TOP6BL: variants seen among roughly 807,000 people sequenced by gnomAD.
The protein encoded by TOP6BL is type 2 DNA topoisomerase 6 subunit B-like.
At chr11:66,832,168 G>T in the TOP6BL span, among the ~76,000 whole-genome samples, 1 of 151,070 alleles carries the variant, frequency 6.6e-6, no homozygotes, top group Non-Finnish European at 1.5e-5. Context: ...CGTGATCTCG[G>T]CTCACTGCAA....
At chr11:66,748,320 G>A in the TOP6BL span, 12 of 1,330,680 alleles carry the variant, frequency 9.0e-6, no homozygotes, top group African/African-American at 1.5e-5. Flanking sequence ...TCATAGAGAT[G>A]TATTATTACT....
chr11:66,794,393 G>A, the TOP6BL span, among the ~76,000 whole-genome samples: 1 of 152,106 alleles, frequency 6.6e-6, no homozygotes, highest in African/African-American at 2.4e-5. Context: ...ATAATAGTGA[G>A]TCAGTATAGG....
At chr11:66,759,035 T>A in the TOP6BL span, 2 of 1,553,548 alleles carry the variant, frequency 1.3e-6, no homozygotes, top group Admixed American at 1.8e-5. Context: ...GTATTCTGTT[T>A]CTTACAGTTG....
chr11:66,815,625 A>T, the TOP6BL span: 1 of 158,354 alleles, frequency 6.3e-6, no homozygotes, highest in African/African-American at 2.4e-5. Flanking sequence ...GTTCTATCCG[A>T]TACTGTTGTT....
chr11:66,821,814 A>G, the TOP6BL span: 1 of 1,598,882 alleles, frequency 6.3e-7, no homozygotes. Flanking sequence ...AGAAAAAGAT[A>G]GCAAGCATAT....
chr11:66,744,850 G>A, the TOP6BL span: 1 of 1,316,756 alleles, frequency 7.6e-7, no homozygotes, highest in Non-Finnish European at 9.7e-7. Flanking sequence ...CGGCGGGCGG[G>A]TACCCTTCGA....
At chr11:66,755,409 C>T in the TOP6BL span, among the ~76,000 whole-genome samples, 1 of 152,186 alleles carries the variant, frequency 6.6e-6, no homozygotes. Flanking sequence ...GCATGAGCCA[C>T]TGTGCCTAGC....
chr11:66,842,792 G>A, the TOP6BL span: 1 of 1,473,554 alleles, frequency 6.8e-7, no homozygotes, highest in Non-Finnish European at 9.1e-7. Flanking sequence ...CCTTGGCCAA[G>A]GGTGCTCCTA....
At chr11:66,819,562 A>G in the TOP6BL span, among the ~76,000 whole-genome samples, 3 of 152,154 alleles carry the variant, frequency 2.0e-5, no homozygotes. Flanking sequence ...CTTGAGCCCA[A>G]GAGTTCAAGA....
chr11:66,802,929 G>A, the TOP6BL span, among the ~76,000 whole-genome samples: 1 of 152,124 alleles, frequency 6.6e-6, no homozygotes, highest in African/African-American at 2.4e-5. Context: ...TAGAGACAAA[G>A]GGAAAGGTTC....
the TOP6BL span, among the ~76,000 whole-genome samples, chr11:66,751,519 T>G: frequency 1.4e-5 from 2 of 148,082 alleles, no homozygotes; most frequent in East Asian, 2.0e-4. Flanking sequence ...TTTTTTTTTA[T>G]AGAGATGAGG....
At chr11:66,820,488 G>GT in the TOP6BL span, among the ~76,000 whole-genome samples, 4 of 152,178 alleles carry the variant, frequency 2.6e-5, no homozygotes, top group Non-Finnish European at 2.9e-5. Context: ...TGATGGCATA[G>GT]TTTTTTTGCC....
the TOP6BL span, among the ~76,000 whole-genome samples, chr11:66,794,112 TAAAA>T: frequency 1.8e-5 from 2 of 110,520 alleles, no homozygotes; most frequent in Admixed American, 9.9e-5. Flanking sequence ...ACCCTGTTTC[TAAAA>T]AAAAAAAAAA....
the TOP6BL span, among the ~76,000 whole-genome samples, chr11:66,751,735 G>C: frequency 6.6e-6 from 1 of 151,930 alleles, no homozygotes; most frequent in African/African-American, 2.4e-5. Flanking sequence ...TCTACCATGT[G>C]TCTTTCTTTT....
At chr11:66,793,029 A>G in the TOP6BL span, among the ~76,000 whole-genome samples, 1 of 152,178 alleles carries the variant, frequency 6.6e-6, no homozygotes, top group African/African-American at 2.4e-5. Flanking sequence ...GTTAACATGC[A>G]TGAATAATCC....
At chr11:66,816,091 A>T in the TOP6BL span, 1 of 1,604,906 alleles carries the variant, frequency 6.2e-7, no homozygotes, top group East Asian at 2.2e-5. Flanking sequence ...GGTGGAATCC[A>T]GTGAGGAGGA....
the TOP6BL span, among the ~76,000 whole-genome samples, chr11:66,775,112 CAAAAAAAAA>C: frequency 3.4e-4 from 20 of 57,998 alleles, no homozygotes; most frequent in South Asian, 3.4e-3. Flanking sequence ...GACTCTGTCT[CAAAAAAAAA>C]AAAAAAAAAA....
At chr11:66,760,069 C>G in the TOP6BL span, among the ~76,000 whole-genome samples, 1 of 152,044 alleles carries the variant, frequency 6.6e-6, no homozygotes, top group Non-Finnish European at 1.5e-5. Flanking sequence ...ACAAATTTTA[C>G]AAAATAACTT....
At chr11:66,747,700 C>T in the TOP6BL span, among the ~76,000 whole-genome samples, 5 of 152,076 alleles carry the variant, frequency 3.3e-5, no homozygotes, top group Admixed American at 1.3e-4. Context: ...CTCACTTCAG[C>T]CTCAATCTTA....
Sources: allele counts gnomAD v4.1 joint callset (sites outside exome capture counted in the v4.1 genomes callset), GRCh38; gene constraint gnomAD v4.1.1; transcripts MANE v1.5; gene names NCBI Gene and HGNC (gene_info 2026-07-23, HGNC 2026-07-21).